Variants in BTBD9 observed in about 807,000 individuals in gnomAD.
BTBD9 encodes the protein BTB domain containing 9, also known as BTB/POZ domain-containing protein 9.
In BTBD9, 49 loss-of-function variants were observed where a neutral mutation model predicts 64.3. The observed-to-expected ratio is 0.76, with a 90% CI of 0.61 to 0.97. The LOEUF (loss-of-function observed/expected upper bound fraction) is 0.97, where lower values mean the gene tolerates loss of function less well. BTBD9 is among the 50% of genes least tolerant of loss of function. BTBD9 has a pLI of 0.00. For synonymous variants in BTBD9, 260 were observed against 274.7 expected (o/e 0.95, Z 0.53); for missense variants, 598 against 762.1 (o/e 0.78, Z 2.53).
intron 8 of BTBD9, among the ~76,000 whole-genome samples, chr6:38,268,907 G>A (rs957969025): frequency 2.6e-5 from 4 of 152,196 alleles, no homozygotes; most frequent in East Asian, 1.9e-4. Context: ...TGTTTATTCC[G>A]GTGGGCCATG....
chr6:38,354,138 C>T (rs1212325400), intron 6 of BTBD9, among the ~76,000 whole-genome samples: 3 of 151,990 alleles, frequency 2.0e-5, no homozygotes, highest in Admixed American at 1.3e-4. Flanking sequence ...GAAATCAGAA[C>T]AGGAATTGCC....
At chr6:38,247,486 C>G (rs567397475) in intron 9 of BTBD9, among the ~76,000 whole-genome samples, 1 of 152,182 alleles carries the variant, frequency 6.6e-6, no homozygotes, top group African/African-American at 2.4e-5. Context: ...TTCCAGGTGA[C>G]AGGGAGACAG....
intron 6 of BTBD9, among the ~76,000 whole-genome samples, chr6:38,505,179 T>C (rs1772409905): frequency 6.6e-6 from 1 of 152,224 alleles, no homozygotes; most frequent in Non-Finnish European, 1.5e-5. Flanking sequence ...GGCTTAGTCC[T>C]GTATCCTCTT....
chr6:38,430,691 T>C (rs978280980), intron 6 of BTBD9, among the ~76,000 whole-genome samples: 2 of 151,618 alleles, frequency 1.3e-5, no homozygotes, highest in East Asian at 1.9e-4. Flanking sequence ...GTTTTTTAAA[T>C]TGTTGTAGAG....
intron 6 of BTBD9, among the ~76,000 whole-genome samples, chr6:38,543,958 A>G (rs1048968037): frequency 4.0e-5 from 6 of 149,212 alleles, no homozygotes; most frequent in East Asian, 2.0e-4. Context: ...CTCCGTCTCA[A>G]AAAAAAAAAA....
Position 38,540,310 on chromosome 6 carries a change from G to A in BTBD9, c.1154+37290C>T, listed in dbSNP as rs531821730. Among the ~76,000 whole-genome samples the A allele has an allele frequency of 2.6e-5, 4 of 152,086 alleles. No homozygotes were observed. The South Asian group carries it at 6.2e-4, about 24-fold the overall frequency. ...ATAAGTGCTAAGTAATAACACACAC[G>A]GTGGAGGTATAATAAATTAATATGA... On this transcript the variant is annotated intron_variant, in intron 6 of 10. Coordinates refer to ENST00000481247, the MANE Select transcript of BTBD9 (RefSeq NM_001099272.2).
chr6:38,278,736 T>C lies in BTBD9; in HGVS notation c.1454+9536A>G, dbSNP rs1376997275. 7.9e-5 allele frequency among the ~76,000 whole-genome samples: 12 copies of C among 152,320 alleles called. No individual in the cohort carries two copies. The South Asian group carries it at 2.3e-3, about 29-fold the overall frequency. On this transcript the variant is annotated intron_variant, in intron 8 of 10. Coordinates refer to ENST00000481247, the MANE Select transcript of BTBD9 (RefSeq NM_001099272.2). ...AAGAACCATTAGCCATTTCTAAAAA[T>C]TAAACTGTACAGAAGGTCTAAACAC...
At chr6:38,464,485 A>ATTTTCTTTTC (rs70981552) in intron 6 of BTBD9, among the ~76,000 whole-genome samples, 15 of 150,108 alleles carry the variant, frequency 1.0e-4, no homozygotes, top group South Asian at 4.2e-4. Context: ...ATTGTCTATA[A>ATTTTCTTTTC]TTTTCTTTTC....
At chr6:38,580,003 A>G (rs983693760) in intron 5 of BTBD9, among the ~76,000 whole-genome samples, 2 of 152,254 alleles carry the variant, frequency 1.3e-5, no homozygotes, top group Non-Finnish European at 2.9e-5. Context: ...TGGTTTCTAC[A>G]ATAAACACAT....
intron 9 of BTBD9, among the ~76,000 whole-genome samples, chr6:38,232,181 C>T (rs1763631327): frequency 6.6e-6 from 1 of 152,154 alleles, no homozygotes; most frequent in African/African-American, 2.4e-5. Context: ...GGCCTTCCGA[C>T]TGCACAGAGC....
chr6:38,389,987 A>T (rs963388991), intron 6 of BTBD9, among the ~76,000 whole-genome samples: 4 of 152,298 alleles, frequency 2.6e-5, no homozygotes, highest in Middle Eastern at 3.4e-3. Context: ...TTCTAGTGGT[A>T]ATTATAAAAT....
In BTBD9 at chr6:38,374,839, T is replaced by C. The variant is rs1171972428; in HGVS notation, c.1155-29746A>G. ...ATCATTGGCTTTTTTCCTCTGACTATAGTGGCAAGGAATTGGAGTCAGAGT... is the reference window on the plus strand; with the variant it reads ...ATCATTGGCTTTTTTCCTCTGACTACAGTGGCAAGGAATTGGAGTCAGAGT... On this transcript the variant is annotated intron_variant, in intron 6 of 10. Coordinates refer to ENST00000481247, the MANE Select transcript of BTBD9 (RefSeq NM_001099272.2). Among the ~76,000 whole-genome samples, 5 of 152,162 alleles carry C rather than the reference T, an allele frequency of 3.3e-5. No homozygotes were observed. In the South Asian group the frequency reaches 6.2e-4, roughly 19 times the overall value.
intron 6 of BTBD9, among the ~76,000 whole-genome samples, chr6:38,371,166 C>T (rs971307294): frequency 6.6e-6 from 1 of 152,118 alleles, no homozygotes; most frequent in African/African-American, 2.4e-5. Context: ...CTTGGCAGCC[C>T]CCCATTGCTT....
chr6:38,207,536 T>C (rs1302298132), intron 9 of BTBD9, among the ~76,000 whole-genome samples: 1 of 152,146 alleles, frequency 6.6e-6, no homozygotes, highest in Admixed American at 6.5e-5. Flanking sequence ...GGTGGGAGGA[T>C]CACCTGAGCC....
intron 4 of BTBD9, chr6:38,587,773 G>A (rs1383922967): frequency 2.8e-6 from 2 of 705,502 alleles, no homozygotes; most frequent in Non-Finnish European, 5.4e-6. Context: ...AGAAAAGCCT[G>A]CTTCTTCGGA....
intron 7 of BTBD9, among the ~76,000 whole-genome samples, chr6:38,293,979 AAAAC>A (rs535189531): frequency 2.0e-4 from 31 of 152,222 alleles, no homozygotes; most frequent in Non-Finnish European, 4.1e-4. Flanking sequence ...TACAAGAAAA[AAAAC>A]AAACAACCCC....
At chr6:38,352,592 T>C (rs566352123) in intron 6 of BTBD9, among the ~76,000 whole-genome samples, 14 of 152,180 alleles carry the variant, frequency 9.2e-5, no homozygotes, top group Non-Finnish European at 1.9e-4. Flanking sequence ...ATAATACAAA[T>C]GGGGTAAGCT....
intron 8 of BTBD9, among the ~76,000 whole-genome samples, chr6:38,273,195 T>C (rs1426545370): frequency 1.3e-5 from 2 of 152,226 alleles, no homozygotes; most frequent in Non-Finnish European, 2.9e-5. Context: ...CCAAAGCTTA[T>C]TCTTGGTTCT....
At chr6:38,220,217 A>G (rs1048971086) in intron 9 of BTBD9, among the ~76,000 whole-genome samples, 1 of 152,212 alleles carries the variant, frequency 6.6e-6, no homozygotes, top group Admixed American at 6.5e-5. Flanking sequence ...CACCTTCCTC[A>G]GCACTGTGGG....
Sources: gnomAD v4.1 joint callset for allele counts (sites outside exome capture counted in the v4.1 genomes callset) on GRCh38, gnomAD v4.1.1 for gene constraint, MANE v1.5 for transcripts, NCBI Gene and HGNC (gene_info 2026-07-23, HGNC 2026-07-21) for gene names.